CENPP: variants seen among roughly 807,000 people sequenced by gnomAD.
The protein encoded by CENPP is centromere protein P.
A neutral mutation model predicts 35.6 loss-of-function variants in CENPP; 24 were observed. That is an observed-to-expected ratio of 0.67 (90% CI 0.49 to 0.95). CENPP has a LOEUF of 0.95. Ranked by LOEUF, CENPP falls within the 40% of genes least tolerant of loss-of-function variation. CENPP has a pLI of 0.00. For missense variants in CENPP, 332 were observed against 345.3 expected, an observed-to-expected ratio of 0.96 and a Z score of 0.31; for synonymous variants, 120 against 125.5, an observed-to-expected ratio of 0.96 and a Z score of 0.29.
intron 4 of CENPP, among the ~76,000 whole-genome samples, chr9:92,372,005 T>C (rs1235974596): frequency 7.6e-6 from 1 of 132,364 alleles, no homozygotes; most frequent in Non-Finnish European, 1.6e-5. Flanking sequence ...CTCGTGCCAC[T>C]GTACTCCAGC....
intron 5 of CENPP, chr9:92,514,888 C>T (rs778924845): frequency 5.0e-6 from 8 of 1,613,490 alleles, no homozygotes; most frequent in South Asian, 2.2e-5. Flanking sequence ...CCTTCCTTGG[C>T]GTTGTTGCTG....
intron 5 of CENPP, among the ~76,000 whole-genome samples, chr9:92,581,441 CA>C (rs915193152): frequency 6.6e-6 from 1 of 151,792 alleles, no homozygotes; most frequent in Admixed American, 6.6e-5. Context: ...CTGCAGTGAC[CA>C]AAGATGAAAC....
At position 92,460,330 on chromosome 9, in the gene CENPP, G is replaced by A. The variant is rs79881653; in HGVS notation, c.564+80471G>A. 2.6e-3 allele frequency: 1,385 copies of A among 530,676 alleles called. 14 individuals carry two copies. The highest frequency in any genetic ancestry group is 0.016 in the African/African-American group (802 of 50,704). 32.9% of individuals were successfully genotyped at this position (530,676 alleles called of 1,614,324 possible). On this transcript the variant is annotated intron_variant, in intron 5 of 7. Coordinates refer to ENST00000375587, the MANE Select transcript of CENPP (RefSeq NM_001012267.3). ...ATTACAGGCGTGAGCCACCACACCC[G>A]GCCAATTGTGGTTCTTTCTAGTTTT... is the stretch of plus-strand genomic sequence containing the variant.
intron 5 of CENPP, among the ~76,000 whole-genome samples, chr9:92,574,451 G>T (rs1038044811): frequency 1.3e-5 from 2 of 151,992 alleles, no homozygotes; most frequent in African/African-American, 4.8e-5. Context: ...ACAATATCTG[G>T]AAAGGAAATT....
intron 5 of CENPP, chr9:92,496,099 G>A (rs2131133569): frequency 1.7e-6 from 2 of 1,177,764 alleles, no homozygotes; most frequent in Non-Finnish European, 2.1e-6. Context: ...CTAGAGGTAG[G>A]AAACTGAGAG....
chr9:92,456,822 T>C, intron 5 of CENPP: 1 of 341,600 alleles, frequency 2.9e-6, no homozygotes, highest in Non-Finnish European at 4.2e-6. Context: ...ATTACAGTAC[T>C]ACCCAAGTTA....
chr9:92,612,947 T>C, intron 7 of CENPP, 72 bp from the exon 8 acceptor site: 1 of 1,585,870 alleles, frequency 6.3e-7, no homozygotes, highest in Non-Finnish European at 8.6e-7. Context: ...GTGAGGTCCA[T>C]GCCAGCAGAA....
chr9:92,600,333 TA>T, intron 5 of CENPP: 1 of 1,514,614 alleles, frequency 6.6e-7, no homozygotes, highest in Admixed American at 2.2e-5. Context: ...GTTTGTTTAT[TA>T]AAATTCCCCA....
intron 5 of CENPP, among the ~76,000 whole-genome samples, chr9:92,480,092 ACT>A (rs1845860367): frequency 6.6e-6 from 1 of 152,150 alleles, no homozygotes. Flanking sequence ...TATTCAGGTT[ACT>A]CTATTTTTAA....
intron 4 of CENPP, among the ~76,000 whole-genome samples, chr9:92,353,099 A>G (rs1841505480): frequency 6.6e-6 from 1 of 152,254 alleles, no homozygotes; most frequent in African/African-American, 2.4e-5. Flanking sequence ...ATAATACTTA[A>G]ATGCTGATAT....
At chr9:92,460,256 G>A (rs1016669672) in intron 5 of CENPP, among the ~76,000 whole-genome samples, 13 of 151,798 alleles carry the variant, frequency 8.6e-5, no homozygotes, top group African/African-American at 2.9e-4. Context: ...GACTGGTCTC[G>A]AACTCCTGAC....
chr9:92,582,278 G>A (rs1588295085), intron 5 of CENPP, among the ~76,000 whole-genome samples: 4 of 152,098 alleles, frequency 2.6e-5, no homozygotes, highest in African/African-American at 4.8e-5. Context: ...GGCTGGTCTC[G>A]AACTCCTGAG....
intron 5 of CENPP, among the ~76,000 whole-genome samples, chr9:92,451,434 C>T (rs1274859867): frequency 6.8e-6 from 1 of 147,570 alleles, no homozygotes; most frequent in Non-Finnish European, 1.5e-5. Context: ...TCTGAGGGCT[C>T]TGTTCTGTTC....
intron 5 of CENPP, among the ~76,000 whole-genome samples, chr9:92,411,076 A>G (rs1003112945): frequency 1.3e-5 from 2 of 151,168 alleles, no homozygotes; most frequent in Admixed American, 1.3e-4. Flanking sequence ...CCCAGTTCAC[A>G]CCTCTCCTGC....
At position 92,617,844 on chromosome 9, in the gene CENPP, C is replaced by T. The variant is rs942944381; in HGVS notation, c.*4695C>T. 8.6e-5 allele frequency: 18 copies of T among 208,820 alleles called. No homozygotes were observed. Among genetic ancestry groups the T allele is most frequent in the Admixed American group, 4.2e-4 (8 of 18,944 alleles). 12.9% of individuals were successfully genotyped at this position (208,820 alleles called of 1,614,324 possible). ...TTCCCAAAGGGACAAAGCTCTGCAG[C>T]GACAGGAAGGCAGATCCAACTTGAG... On this transcript the variant is annotated 3_prime_UTR_variant, in exon 8 of 8. Coordinates refer to ENST00000375587, the MANE Select transcript of CENPP (RefSeq NM_001012267.3).
At chr9:92,375,030 C>CT (rs1842093071) in intron 4 of CENPP, among the ~76,000 whole-genome samples, 1 of 152,126 alleles carries the variant, frequency 6.6e-6, no homozygotes, top group Non-Finnish European at 1.5e-5. Context: ...ATGTGGATCT[C>CT]TTTGAGTTTA....
intron 5 of CENPP, among the ~76,000 whole-genome samples, chr9:92,416,068 A>ATATATTTATTTATT (rs1275784821): frequency 1.5e-5 from 2 of 136,998 alleles, no homozygotes; most frequent in East Asian, 2.1e-4. Flanking sequence ...GTATATATAT[A>ATATATTTATTTATT]TATTTATTTA....
At chr9:92,416,029 A>T (rs1458807382) in intron 5 of CENPP, among the ~76,000 whole-genome samples, 2 of 135,260 alleles carry the variant, frequency 1.5e-5, no homozygotes, top group African/African-American at 5.2e-5. Context: ...TATATTTTTT[A>T]TATATAAATA....
intron 5 of CENPP, among the ~76,000 whole-genome samples, chr9:92,498,312 T>TG (rs1846475300): frequency 6.6e-6 from 1 of 151,962 alleles, no homozygotes; most frequent in Non-Finnish European, 1.5e-5. Flanking sequence ...TCATAGACGT[T>TG]GGGGGAGGGA....
Sources: allele counts gnomAD v4.1 joint callset (sites outside exome capture counted in the v4.1 genomes callset), GRCh38; gene constraint gnomAD v4.1.1; transcripts MANE v1.5; gene names NCBI Gene and HGNC (gene_info 2026-07-23, HGNC 2026-07-21).